MED12L: variants seen among roughly 807,000 people sequenced by gnomAD.
MED12L encodes mediator complex subunit 12L.
In MED12L, 60 loss-of-function variants were observed where a neutral mutation model predicts 281.3. That is an observed-to-expected ratio of 0.21 (90% CI 0.17 to 0.26). The LOEUF is 0.26. Among genes scored for constraint, MED12L ranks in the 10% least tolerant of loss-of-function variants. MED12L has a pLI of 1.00. For missense variants in MED12L, 2,146 were observed against 2,680.9 expected (o/e 0.80, Z 4.41); for synonymous variants, 974 against 987.2 (o/e 0.99, Z 0.25).
chr3:151,229,185 A>T (rs981212276), intron 16 of MED12L, among the ~76,000 whole-genome samples: 3 of 152,160 alleles, frequency 2.0e-5, no homozygotes, highest in Admixed American at 6.5e-5. Flanking sequence ...AGTGATTCCC[A>T]TATACTCTCT....
Position 151,086,888 on chromosome 3 carries a change from T to C in MED12L, c.-39T>C. On this transcript the variant is annotated 5_prime_UTR_variant, in exon 2 of 45. Transcript: ENST00000687756. ...GGTGCTCAGAGGCGGCTGCTCCAGC[T>C]CCAACTCTCATTCATTTCGCCGGTT... 6.6e-7 allele frequency: 1 copy of C among 1,517,702 alleles called. No homozygotes were observed. The highest frequency in any genetic ancestry group is 8.9e-7 in the Non-Finnish European group (1 of 1,119,722). 94.0% of individuals were successfully genotyped at this position (1,517,702 alleles called of 1,614,324 possible). A position where few individuals can be genotyped will look rare whatever the true frequency, so the allele number is the denominator to read the frequency against.
At chr3:151,308,201 T>A (rs1244454144) in intron 16 of MED12L, among the ~76,000 whole-genome samples, 8 of 152,086 alleles carry the variant, frequency 5.3e-5, no homozygotes, top group African/African-American at 1.9e-4. Context: ...AAAATAAAAA[T>A]ACACTTTTTA....
At chr3:151,424,463 C>CA (rs1718624829) in intron 43 of MED12L, among the ~76,000 whole-genome samples, 1 of 151,902 alleles carries the variant, frequency 6.6e-6, no homozygotes, top group African/African-American at 2.4e-5. Context: ...ATTAAAAATA[C>CA]AAAAAATTAG....
chr3:151,304,405 C>G lies in MED12L; in HGVS notation c.2251-45654C>G, dbSNP rs1269945907. The stretch of plus-strand genomic sequence containing the variant: ...CGTGGCCAACATGGTGAAACCCTGT[C>G]TCTACTAAAAATACAAAAATTAGCT... On this transcript the variant is annotated intron_variant, in intron 16 of 44. Coordinates refer to ENST00000687756, the MANE Select transcript of MED12L (RefSeq NM_001393769.1). Among the ~76,000 whole-genome samples the G allele has an allele frequency of 2.6e-5, 4 of 152,062 alleles. No homozygotes were observed. In the South Asian group the frequency reaches 6.2e-4, roughly 24 times the overall value.
chr3:151,413,130 C>T lies in MED12L; in HGVS notation c.6141-9C>T, dbSNP rs1394893849. The T allele has an allele frequency of 2.5e-6, 4 of 1,607,816 alleles. No homozygotes were observed. The highest frequency in any genetic ancestry group is 3.4e-6 in the Non-Finnish European group (4 of 1,175,094). ...TGGGCCTGAACCAAGTTGCATTATT[C>T]TTTGCCAGACTGAACCATCAGGCTC... On this transcript the variant is annotated splice_polypyrimidine_tract_variant and intron_variant, in intron 41 of 44. Coordinates refer to ENST00000687756, the MANE Select transcript of MED12L (RefSeq NM_001393769.1).
intron 16 of MED12L, chr3:151,199,147 C>G: frequency 6.2e-7 from 1 of 1,614,136 alleles, no homozygotes; most frequent in Non-Finnish European, 8.5e-7. Context: ...TCTTCAGCTT[C>G]CAAGGTGCCA....
chr3:151,146,070 G>A (rs1030938341), intron 5 of MED12L, among the ~76,000 whole-genome samples: 14 of 152,174 alleles, frequency 9.2e-5, no homozygotes, highest in African/African-American at 3.4e-4. Flanking sequence ...TCCATAGCTT[G>A]CCACTGCCTG....
intron 20 of MED12L, among the ~76,000 whole-genome samples, chr3:151,360,187 T>C (rs971610781): frequency 1.3e-5 from 2 of 152,174 alleles, no homozygotes; most frequent in African/African-American, 2.4e-5. Context: ...TCCCAGCAAC[T>C]TAATCGGTGG....
intron 16 of MED12L, among the ~76,000 whole-genome samples, chr3:151,205,913 T>C (rs969579281): frequency 6.6e-6 from 1 of 152,176 alleles, no homozygotes; most frequent in African/African-American, 2.4e-5. Flanking sequence ...CATGGAGTTT[T>C]CAGCCTCTGG....
chr3:151,298,061 C>T (rs1233296223), intron 16 of MED12L, among the ~76,000 whole-genome samples: 1 of 152,134 alleles, frequency 6.6e-6, no homozygotes, highest in African/African-American at 2.4e-5. Flanking sequence ...CTCTGGAAGG[C>T]TCAAAACTTA....
In MED12L at chr3:151,375,970, C is replaced by CATATATATATATATATATATATAT. The variant is rs148538586; in HGVS notation, c.3865-45_3865-44insTATATATATATATATATATATATA. ...TGCACTGTGGATTTAGTACATATTGCATATATATATACCGAAAGCCAGTGC... is the reference window on the plus strand; with the variant it reads ...TGCACTGTGGATTTAGTACATATTGCATATATATATATATATATATATATATATATATATACCGAAAGCCAGTGC... On this transcript the variant is annotated intron_variant, in intron 27 of 44. Transcript: ENST00000687756. The CATATATATATATATATATATATAT allele has an allele frequency of 1.6e-3, 1,339 of 812,450 alleles. 10 individuals carry two copies. The highest frequency in any genetic ancestry group is 5.7e-3 in the Middle Eastern group (13 of 2,292). 50.3% of individuals were successfully genotyped at this position (812,450 alleles called of 1,614,324 possible). A position where few individuals can be genotyped will look rare whatever the true frequency, so the allele number is the denominator to read the frequency against.
intron 15 of MED12L, 100 bp from the exon 16 acceptor site, chr3:151,193,390 G>A: frequency 1.2e-6 from 1 of 822,576 alleles, no homozygotes; most frequent in South Asian, 1.8e-5. Flanking sequence ...GTAGGAAAAG[G>A]TGTATAAGTG....
At chr3:151,341,158 T>C (rs1157944130) in intron 16 of MED12L, among the ~76,000 whole-genome samples, 1 of 152,160 alleles carries the variant, frequency 6.6e-6, no homozygotes. Context: ...AACAAGTAAT[T>C]ATGTTAACTC....
intron 20 of MED12L, among the ~76,000 whole-genome samples, chr3:151,359,535 C>T (rs1388692378): frequency 2.0e-5 from 3 of 152,092 alleles, no homozygotes; most frequent in Non-Finnish European, 4.4e-5. Context: ...GCCCTTTCCC[C>T]TGAATAGTAC....
At chr3:151,328,948 G>A in intron 16 of MED12L, 1 of 1,613,564 alleles carries the variant, frequency 6.2e-7, no homozygotes. Flanking sequence ...TGTCTCTGGG[G>A]CACCGCTCAG....
At chr3:151,371,042 A>G (rs950928987) in intron 26 of MED12L, among the ~76,000 whole-genome samples, 33 of 152,232 alleles carry the variant, frequency 2.2e-4, no homozygotes, top group South Asian at 2.1e-4. Flanking sequence ...GCAATTGCAG[A>G]AGGCCTGGCA....
chr3:151,206,509 A>G (rs1014331780), intron 16 of MED12L, among the ~76,000 whole-genome samples: 1 of 151,898 alleles, frequency 6.6e-6, no homozygotes, highest in African/African-American at 2.4e-5. Context: ...AAGATAATTT[A>G]TGGAGGGGAA....
intron 2 of MED12L, among the ~76,000 whole-genome samples, chr3:151,098,896 C>T (rs557273102): frequency 1.2e-4 from 18 of 152,180 alleles, no homozygotes; most frequent in African/African-American, 2.4e-4. Context: ...TTAATGCACT[C>T]GCAGTTCCAT....
intron 17 of MED12L, among the ~76,000 whole-genome samples, chr3:151,354,338 T>A (rs1373617560): frequency 1.3e-5 from 2 of 152,114 alleles, no homozygotes; most frequent in South Asian, 4.1e-4. Context: ...AAGCAATGCT[T>A]ATTTTTTTTA....
Sources: gnomAD v4.1 joint callset for allele counts (sites outside exome capture counted in the v4.1 genomes callset) on GRCh38, gnomAD v4.1.1 for gene constraint, MANE v1.5 for transcripts, NCBI Gene and HGNC (gene_info 2026-07-23, HGNC 2026-07-21) for gene names.